Variants in DCDC2 observed in about 807,000 individuals in gnomAD.
DCDC2 encodes the protein doublecortin domain containing 2, also known as doublecortin domain-containing protein 2.
Under a neutral mutation model 50.2 loss-of-function variants are expected in DCDC2, and 40 were observed. That is an observed-to-expected ratio of 0.80 (90% CI 0.62 to 1.04). The LOEUF is 1.04. DCDC2 is among the 50% of genes least tolerant of loss of function. The pLI is 0.00. For synonymous variants in DCDC2, 234 were observed against 210.6 expected (o/e 1.11, Z -0.96); for missense variants, 570 against 581.9 (o/e 0.98, Z 0.21).
Position 24,178,562 on chromosome 6 carries a change from T to C in DCDC2, c.1094A>G (p.Asp365Gly). 3 of 1,614,152 alleles carry C rather than the reference T, an allele frequency of 1.9e-6. No individual in the cohort carries two copies. Among genetic ancestry groups the C allele is most frequent in the Non-Finnish European group, 2.5e-6 (3 of 1,180,028 alleles). Residue 365 changes from aspartate to glycine, a missense_variant, in exon 9 of 10, where the codon GAC (aspartate) becomes GGC (glycine). Coordinates refer to ENST00000378454, the MANE Select transcript of DCDC2 (RefSeq NM_016356.5). ...KANKDAEQKE[D>G]FSGMNGDLEE... is the part of the protein sequence containing the mutation. The stretch of plus-strand genomic sequence containing the variant: ...AAGGTCACCATTCATTCCTGAAAAG[T>C]CTTCTTTCTGTTCTGCATCCTTGTT...
chr6:24,238,101 G>A (rs1184319055), intron 7 of DCDC2, among the ~76,000 whole-genome samples: 2 of 81,786 alleles, frequency 2.4e-5, no homozygotes, highest in Admixed American at 1.5e-4. Flanking sequence ...AAAGAAAGAA[G>A]GGAAGGGGAA....
chr6:24,210,502 TCA>T (rs1223386267), intron 7 of DCDC2, among the ~76,000 whole-genome samples: 3 of 152,218 alleles, frequency 2.0e-5, no homozygotes, highest in Non-Finnish European at 4.4e-5. Flanking sequence ...CCTCCTGGCC[TCA>T]GTTTCTATAT....
At chr6:24,318,475 G>C (rs1214657192) in intron 2 of DCDC2, among the ~76,000 whole-genome samples, 1 of 152,038 alleles carries the variant, frequency 6.6e-6, no homozygotes, top group Non-Finnish European at 1.5e-5. Context: ...TAGTGGTGAA[G>C]TTTGGACTTT....
At chr6:24,349,621 T>C (rs904145122) in intron 2 of DCDC2, among the ~76,000 whole-genome samples, 10 of 151,870 alleles carry the variant, frequency 6.6e-5, no homozygotes, top group African/African-American at 2.4e-4. Context: ...TAATGAGATG[T>C]GAAACTGGAC....
At chr6:24,313,368 C>A (rs1249679846) in intron 2 of DCDC2, among the ~76,000 whole-genome samples, 1 of 152,030 alleles carries the variant, frequency 6.6e-6, no homozygotes, top group African/African-American at 2.4e-5. Flanking sequence ...TGCCACTAAG[C>A]AAGCACTGGG....
Position 24,326,614 on chromosome 6 carries a change from T to C in DCDC2, c.349-24570A>G, listed in dbSNP as rs547665520. On this transcript the variant is annotated intron_variant, in intron 2 of 9. Transcript: ENST00000378454. ...GGCTTATGCCTATAACCCAGCACTT[T>C]GGGAGGCCGAGGCATGTGGGTCGCT... Among the ~76,000 whole-genome samples the C allele has an allele frequency of 1.3e-5, 2 of 149,156 alleles. 1 individual carries two copies. The highest frequency in any genetic ancestry group is 4.5e-4 in the South Asian group (2 of 4,430).
chr6:24,232,718 T>C (rs1762361915), intron 7 of DCDC2, among the ~76,000 whole-genome samples: 1 of 152,194 alleles, frequency 6.6e-6, no homozygotes, highest in South Asian at 2.1e-4. Flanking sequence ...TTTATAACAT[T>C]GCTTTAGTGA....
intron 7 of DCDC2, among the ~76,000 whole-genome samples, chr6:24,254,264 G>A (rs1762849970): frequency 6.6e-6 from 1 of 152,082 alleles, no homozygotes; most frequent in Non-Finnish European, 1.5e-5. Context: ...TTATAAGTAG[G>A]AATACAGTCT....
intron 6 of DCDC2, among the ~76,000 whole-genome samples, chr6:24,281,136 A>G (rs1763460033): frequency 6.6e-6 from 1 of 152,214 alleles, no homozygotes; most frequent in Admixed American, 6.5e-5. Context: ...AATTTCTGAT[A>G]AAGACACTCG....
intron 8 of DCDC2, among the ~76,000 whole-genome samples, chr6:24,194,881 A>G (rs1474307589): frequency 6.6e-6 from 1 of 152,156 alleles, no homozygotes; most frequent in Non-Finnish European, 1.5e-5. Flanking sequence ...GCCTCCCTAA[A>G]TGCATGCAAG....
intron 7 of DCDC2, among the ~76,000 whole-genome samples, chr6:24,212,954 A>G (rs1044435250): frequency 6.6e-6 from 1 of 152,216 alleles, no homozygotes; most frequent in African/African-American, 2.4e-5. Flanking sequence ...CTTTTCTGCA[A>G]CTAGGACAGC....
the DCDC2 span, among the ~76,000 whole-genome samples, chr6:24,366,110 TC>T: frequency 6.6e-6 from 1 of 152,126 alleles, no homozygotes; most frequent in African/African-American, 2.4e-5. Context: ...AAGCCACTTC[TC>T]CCAGCCAGAA....
chr6:24,262,025 T>G (rs1461215894), intron 7 of DCDC2, among the ~76,000 whole-genome samples: 1 of 150,580 alleles, frequency 6.6e-6, no homozygotes, highest in Non-Finnish European at 1.5e-5. Flanking sequence ...AAAACAAATA[T>G]CAGGTAAGCA....
At chr6:24,260,356 G>A (rs150603434) in intron 7 of DCDC2, among the ~76,000 whole-genome samples, 254 of 152,222 alleles carry the variant, frequency 1.7e-3, no homozygotes, top group African/African-American at 5.4e-3. Flanking sequence ...AGACTAATTC[G>A]TATCTCCTTA....
chr6:24,301,995 T>G lies in DCDC2; in HGVS notation c.398A>C (p.Lys133Thr), dbSNP rs1265987531. 1 of 1,614,090 alleles carries G rather than the reference T, an allele frequency of 6.2e-7. No homozygotes were observed. Among genetic ancestry groups the G allele is most frequent in the Admixed American group, 1.7e-5 (1 of 59,986 alleles). The change falls in exon 3 of 10, where the codon AAA becomes ACA. Residue 133 changes from lysine to threonine, a missense_variant. Lys to Thr is a moderately conservative substitution (Grantham distance 78). Transcript: ENST00000378454. ...SRINVSARFR[K>T]PLQEPCTIFL... ...GATAGTGCACGGCTCCTGAAGCGGT[T>G]TTCTAAAGCGAGCTGACACGTTGAT... is the stretch of plus-strand genomic sequence containing the variant.
At chr6:24,339,049 C>T (rs1476254373) in intron 2 of DCDC2, among the ~76,000 whole-genome samples, 1 of 152,080 alleles carries the variant, frequency 6.6e-6, no homozygotes, top group Non-Finnish European at 1.5e-5. Flanking sequence ...CATTCCCAAC[C>T]TTCTATCCCA....
the DCDC2 span, among the ~76,000 whole-genome samples, chr6:24,369,263 T>A: frequency 6.6e-6 from 1 of 152,016 alleles, no homozygotes; most frequent in East Asian, 1.9e-4. Context: ...TAACTTGTGA[T>A]ATTGTTATGT....
chr6:24,362,244 T>C (rs1760676701), upstream of DCDC2, among the ~76,000 whole-genome samples: 2 of 150,124 alleles, frequency 1.3e-5, no homozygotes, highest in Non-Finnish European at 3.0e-5. Flanking sequence ...TTTTATTTAA[T>C]TGTATATTTA....
chr6:24,301,501 T>C (rs529013964), intron 4 of DCDC2, among the ~76,000 whole-genome samples: 4 of 152,246 alleles, frequency 2.6e-5, no homozygotes, highest in Admixed American at 6.5e-5. Flanking sequence ...TGTGCTACTA[T>C]GTGCCAATGA....
Sources: allele counts gnomAD v4.1 joint callset (sites outside exome capture counted in the v4.1 genomes callset), GRCh38; gene constraint gnomAD v4.1.1; transcripts MANE v1.5; gene names NCBI Gene and HGNC (gene_info 2026-07-23, HGNC 2026-07-21).